Variants in MEOX2 observed in about 807,000 individuals in gnomAD.
The protein encoded by MEOX2 is mesenchyme homeobox 2.
MEOX2 carries 11 observed loss-of-function variants against 27.0 expected under a neutral mutation model. The ratio of observed to expected loss-of-function variants is 0.41; its 90% CI spans 0.26 to 0.68. The LOEUF (loss-of-function observed/expected upper bound fraction) is 0.68. MEOX2 is among the 30% of genes least tolerant of loss of function. The pLI, the probability that MEOX2 is intolerant of heterozygous loss-of-function variation, is 0.33. For synonymous variants in MEOX2, 189 were observed against 155.4 expected (o/e 1.22, Z -1.61); for missense variants, 436 against 385.4 (o/e 1.13, Z -1.10).
intron 1 of MEOX2, chr7:15,681,914 T>C (rs953297276): frequency 6.6e-6 from 1 of 151,824 alleles, no homozygotes; most frequent in Non-Finnish European, 1.5e-5. Context: ...AAACTATTCC[T>C]ACTTTTATTT....
chr7:15,685,874 G>C lies in MEOX2; in HGVS notation c.517+12C>G. 1 of 1,574,670 alleles carries C rather than the reference G, an allele frequency of 6.4e-7. No individual in the cohort carries two copies. The highest frequency in any genetic ancestry group is 8.6e-7 in the Non-Finnish European group (1 of 1,161,992). On this transcript the variant is annotated intron_variant, in intron 1 of 2. Transcript: ENST00000262041. ...CGGCGCGCACTCTCGAGGGTGCCTGGCGCGCCCTTACCTGAGCTGTCGCTT... is the reference window on the plus strand; with the variant it reads ...CGGCGCGCACTCTCGAGGGTGCCTGCCGCGCCCTTACCTGAGCTGTCGCTT...
chr7:15,620,429 G>A (rs775741020), intron 2 of MEOX2, among the ~76,000 whole-genome samples: 2 of 152,012 alleles, frequency 1.3e-5, no homozygotes, highest in Admixed American at 6.6e-5. Context: ...CAAAACGGGC[G>A]TGGTAGCGGG....
intron 1 of MEOX2, among the ~76,000 whole-genome samples, chr7:15,627,667 G>C (rs1305843860): frequency 6.6e-6 from 1 of 151,942 alleles, no homozygotes; most frequent in African/African-American, 2.4e-5. Flanking sequence ...TAGCAATTTT[G>C]AGTATATCAT....
At chr7:15,680,825 T>G (rs756220491) in intron 1 of MEOX2, 2 of 151,902 alleles carry the variant, frequency 1.3e-5, no homozygotes, top group African/African-American at 2.4e-5. Flanking sequence ...ATTTTTAATC[T>G]GTGGACTTTG....
At chr7:15,653,286 T>A (rs1366602011) in intron 1 of MEOX2, among the ~76,000 whole-genome samples, 1 of 152,026 alleles carries the variant, frequency 6.6e-6, no homozygotes, top group Non-Finnish European at 1.5e-5. Flanking sequence ...ATATTCTGTT[T>A]GATAAAAAAT....
At chr7:15,632,927 A>G (rs1187406652) in intron 1 of MEOX2, among the ~76,000 whole-genome samples, 2 of 151,950 alleles carry the variant, frequency 1.3e-5, no homozygotes, top group African/African-American at 2.4e-5. Flanking sequence ...ATAGCAAAGG[A>G]CTTCTCAAAG....
At chr7:15,628,272 A>G (rs1781347206) in intron 1 of MEOX2, among the ~76,000 whole-genome samples, 1 of 152,076 alleles carries the variant, frequency 6.6e-6, no homozygotes, top group Admixed American at 6.6e-5. Flanking sequence ...ACCCTGCATA[A>G]TGGAAATTCA....
At chr7:15,638,633 TTCTC>T (rs1162262813) in intron 1 of MEOX2, among the ~76,000 whole-genome samples, 1 of 152,024 alleles carries the variant, frequency 6.6e-6, no homozygotes, top group Non-Finnish European at 1.5e-5. Context: ...CCTCTCCTCC[TTCTC>T]TCTCTCCCCT....
intron 1 of MEOX2, among the ~76,000 whole-genome samples, chr7:15,654,950 A>T (rs910224494): frequency 1.3e-5 from 2 of 151,910 alleles, no homozygotes; most frequent in East Asian, 3.9e-4. Flanking sequence ...AAGAGATTGT[A>T]TAGAATTATG....
At chr7:15,683,540 G>T (rs1227931784) in intron 1 of MEOX2, among the ~76,000 whole-genome samples, 1 of 151,994 alleles carries the variant, frequency 6.6e-6, no homozygotes, top group African/African-American at 2.4e-5. Context: ...GTTTTAGTTT[G>T]TGCTAGATCA....
At chr7:15,637,458 C>A (rs1186784446) in intron 1 of MEOX2, among the ~76,000 whole-genome samples, 1 of 151,898 alleles carries the variant, frequency 6.6e-6, no homozygotes, top group Non-Finnish European at 1.5e-5. Context: ...TTACTGAACA[C>A]GTGTGCTACC....
At chr7:15,630,189 G>A (rs1005947131) in intron 1 of MEOX2, among the ~76,000 whole-genome samples, 2 of 152,018 alleles carry the variant, frequency 1.3e-5, no homozygotes, top group Non-Finnish European at 2.9e-5. Context: ...TTCAGGTATG[G>A]TTGGCAGTCC....
chr7:15,615,059 A>C (rs1781101395), intron 2 of MEOX2, among the ~76,000 whole-genome samples: 1 of 152,192 alleles, frequency 6.6e-6, no homozygotes, highest in South Asian at 2.1e-4. Context: ...AGTACAAAAA[A>C]GATTCACTAA....
chr7:15,646,810 CTCT>C (rs1430763909), intron 1 of MEOX2, among the ~76,000 whole-genome samples: 2 of 151,894 alleles, frequency 1.3e-5, no homozygotes, highest in Non-Finnish European at 2.9e-5. Context: ...TGAGCATTTA[CTCT>C]TCTTCTCTAA....
At chr7:15,622,761 A>G (rs984643471) in intron 2 of MEOX2, among the ~76,000 whole-genome samples, 2 of 152,128 alleles carry the variant, frequency 1.3e-5, no homozygotes, top group Non-Finnish European at 2.9e-5. Context: ...CTAAATATTT[A>G]TGTCTCCTCC....
chr7:15,647,167 G>C (rs1193563417), intron 1 of MEOX2, among the ~76,000 whole-genome samples: 1 of 152,008 alleles, frequency 6.6e-6, no homozygotes, highest in African/African-American at 2.4e-5. Context: ...GTTTTTGATA[G>C]ATATCATGCC....
chr7:15,621,741 C>A (rs1399319622), intron 2 of MEOX2, among the ~76,000 whole-genome samples: 1 of 152,132 alleles, frequency 6.6e-6, no homozygotes, highest in Admixed American at 6.5e-5. Context: ...CAATCATGTA[C>A]AATTTCCACA....
At chr7:15,624,874 ATTC>A (rs1319869382) in intron 2 of MEOX2, among the ~76,000 whole-genome samples, 1 of 152,212 alleles carries the variant, frequency 6.6e-6, no homozygotes, top group Non-Finnish European at 1.5e-5. Context: ...GGTATATATA[ATTC>A]TTGCATGTAA....
intron 1 of MEOX2, among the ~76,000 whole-genome samples, chr7:15,633,138 C>T (rs546893605): frequency 5.3e-5 from 8 of 151,992 alleles, no homozygotes; most frequent in East Asian, 3.9e-4. Flanking sequence ...TATACTAGAA[C>T]GTAAGTGTTT....
Sources: gnomAD v4.1 joint callset for allele counts (sites outside exome capture counted in the v4.1 genomes callset) on GRCh38, gnomAD v4.1.1 for gene constraint, MANE v1.5 for transcripts, NCBI Gene and HGNC (gene_info 2026-07-23, HGNC 2026-07-21) for gene names.